CNTNAP2: variants seen among roughly 807,000 people sequenced by gnomAD.
The protein encoded by CNTNAP2 is contactin associated protein 2, also known as contactin-associated protein-like 2.
CNTNAP2 carries 98 observed loss-of-function variants against 155.2 expected under a neutral mutation model. The ratio of observed to expected loss-of-function variants is 0.63; its 90% confidence interval spans 0.54 to 0.75. CNTNAP2 has a LOEUF of 0.75. Ranked by LOEUF, CNTNAP2 falls within the 30% of genes least tolerant of loss-of-function variation. The pLI, the probability that CNTNAP2 is intolerant of heterozygous loss-of-function variation, is 0.00. For synonymous variants in CNTNAP2, 651 were observed against 631.2 expected, an observed-to-expected ratio of 1.03 and a Z score of -0.47; for missense variants, 1,727 against 1,688.1, an observed-to-expected ratio of 1.02 and a Z score of -0.40.
chr7:146,797,706 C>T (rs1802796230), intron 2 of CNTNAP2, among the ~76,000 whole-genome samples: 1 of 152,192 alleles, frequency 6.6e-6, no homozygotes. Flanking sequence ...GAACAAGCTA[C>T]CACCAAAATC....
At chr7:147,623,959 A>G (rs1794917620) in intron 12 of CNTNAP2, among the ~76,000 whole-genome samples, 1 of 152,106 alleles carries the variant, frequency 6.6e-6, no homozygotes, top group African/African-American at 2.4e-5. Context: ...AAACAAATCC[A>G]CACAGCTACA....
intron 2 of CNTNAP2, among the ~76,000 whole-genome samples, chr7:146,815,693 T>C (rs768522414): frequency 6.6e-6 from 1 of 152,208 alleles, no homozygotes; most frequent in Non-Finnish European, 1.5e-5. Flanking sequence ...CTTTATGATA[T>C]ATATTAGCAA....
chr7:146,946,038 A>T (rs1797163405), intron 3 of CNTNAP2, among the ~76,000 whole-genome samples: 1 of 152,004 alleles, frequency 6.6e-6, no homozygotes, highest in Admixed American at 6.6e-5. Context: ...CAATAAGTTT[A>T]AAAAGATACT....
chr7:147,135,855 C>A (rs138435336), intron 8 of CNTNAP2, among the ~76,000 whole-genome samples: 5 of 150,280 alleles, frequency 3.3e-5, no homozygotes, highest in East Asian at 3.9e-4. Context: ...ACCGACCTGA[C>A]CTGCATTCTT....
intron 1 of CNTNAP2, among the ~76,000 whole-genome samples, chr7:146,138,446 T>C (rs1261080810): frequency 1.3e-5 from 2 of 152,180 alleles, no homozygotes; most frequent in Non-Finnish European, 2.9e-5. Context: ...AAGTTCTCTT[T>C]CAATATTACT....
At chr7:148,096,570 G>A (rs758106360) in intron 15 of CNTNAP2, among the ~76,000 whole-genome samples, 12 of 152,136 alleles carry the variant, frequency 7.9e-5, no homozygotes, top group African/African-American at 1.7e-4. Flanking sequence ...ACGTCATAAA[G>A]GTTTGGTTGA....
At chr7:147,631,596 G>A (rs1268314819) in intron 12 of CNTNAP2, among the ~76,000 whole-genome samples, 1 of 152,190 alleles carries the variant, frequency 6.6e-6, no homozygotes, top group Non-Finnish European at 1.5e-5. Flanking sequence ...CAAGGCTATA[G>A]AGACCAAAAC....
chr7:147,080,673 A>G (rs1800104988), intron 4 of CNTNAP2, among the ~76,000 whole-genome samples: 1 of 148,318 alleles, frequency 6.7e-6, no homozygotes, highest in East Asian at 2.0e-4. Context: ...TATGACATAT[A>G]TATAACATAT....
At chr7:147,619,814 C>T (rs60539635) in intron 12 of CNTNAP2, among the ~76,000 whole-genome samples, 14,070 of 152,176 alleles carry the variant, frequency 0.092, 1,799 homozygotes, top group African/African-American at 0.27. Context: ...ATTGTAGAAC[C>T]CCAGAGCCTT....
chr7:146,565,165 G>A (rs897942234), intron 1 of CNTNAP2, among the ~76,000 whole-genome samples: 4 of 151,302 alleles, frequency 2.6e-5, no homozygotes, highest in Non-Finnish European at 5.9e-5. Flanking sequence ...ACACACACAC[G>A]ACATTAAGGG....
intron 12 of CNTNAP2, among the ~76,000 whole-genome samples, chr7:147,565,066 G>A (rs1430325141): frequency 6.6e-6 from 1 of 152,152 alleles, no homozygotes; most frequent in Non-Finnish European, 1.5e-5. Flanking sequence ...GAAGAGGAGG[G>A]AGTAACAGCA....
At chr7:147,048,837 G>T (rs577867102) in intron 4 of CNTNAP2, among the ~76,000 whole-genome samples, 2 of 152,094 alleles carry the variant, frequency 1.3e-5, no homozygotes, top group African/African-American at 4.8e-5. Flanking sequence ...ACCTATAAAA[G>T]TTATGTTTTA....
At position 147,039,085 on chromosome 7, in the gene CNTNAP2, ATG is replaced by A. The variant is rs1799212553; in HGVS notation, c.403-4820_403-4819del. The stretch of plus-strand genomic sequence containing the variant: ...TTTCTGGCCTTTGCATAAACGATAT[ATG>A]TAATTGTATAATTATAGGATTTACA... On this transcript the variant is annotated intron_variant, in intron 3 of 23. Coordinates refer to ENST00000361727, the MANE Select transcript of CNTNAP2 (RefSeq NM_014141.6). Among the ~76,000 whole-genome samples, 3 of 152,326 alleles carry A rather than the reference ATG, an allele frequency of 2.0e-5. No individual in the cohort carries two copies. In the South Asian group the frequency reaches 6.2e-4, roughly 32 times the overall value.
At chr7:147,387,178 G>C (rs1477242442) in intron 9 of CNTNAP2, among the ~76,000 whole-genome samples, 1 of 152,098 alleles carries the variant, frequency 6.6e-6, no homozygotes, top group East Asian at 1.9e-4. Flanking sequence ...GAGTTGGATG[G>C]GCACACAGCC....
chr7:146,166,197 G>T (rs564394052), intron 1 of CNTNAP2, among the ~76,000 whole-genome samples: 1 of 152,140 alleles, frequency 6.6e-6, no homozygotes, highest in Non-Finnish European at 1.5e-5. Context: ...GTGTTCAGGC[G>T]ATTCTCCTGC....
intron 3 of CNTNAP2, among the ~76,000 whole-genome samples, chr7:147,014,248 C>T (rs1176844328): frequency 6.8e-6 from 1 of 146,086 alleles, no homozygotes; most frequent in East Asian, 2.0e-4. Context: ...ACATAAAAAA[C>T]CCTGTATCGT....
At chr7:147,111,579 T>A (rs1445711686) in intron 5 of CNTNAP2, among the ~76,000 whole-genome samples, 1 of 152,230 alleles carries the variant, frequency 6.6e-6, no homozygotes, top group Non-Finnish European at 1.5e-5. Flanking sequence ...TTCAATTTTC[T>A]GCATATGACT....
In CNTNAP2 at chr7:147,692,142, G is replaced by A. The variant is rs147969182; in HGVS notation, c.2098+52836G>A. The stretch of plus-strand genomic sequence containing the variant: ...GCCTTTTCAAATTGGCTTCTTTCAT[G>A]TAATAATATGCATTTAAGCTTCCTT... On this transcript the variant is annotated intron_variant, in intron 13 of 23. Transcript: ENST00000361727. 3.4e-3 allele frequency among the ~76,000 whole-genome samples: 520 copies of A among 152,110 alleles called. 1 individual carries two copies. The highest frequency in any genetic ancestry group is 6.1e-3 in the Non-Finnish European group (415 of 67,956).
intron 13 of CNTNAP2, among the ~76,000 whole-genome samples, chr7:147,836,234 A>G (rs1798631980): frequency 1.3e-5 from 2 of 152,196 alleles, no homozygotes; most frequent in South Asian, 4.1e-4. Flanking sequence ...AGGAATAATT[A>G]CACACGTAAC....
Sources: gnomAD v4.1 joint callset for allele counts (sites outside exome capture counted in the v4.1 genomes callset) on GRCh38, gnomAD v4.1.1 for gene constraint, MANE v1.5 for transcripts, NCBI Gene and HGNC (gene_info 2026-07-23, HGNC 2026-07-21) for gene names.